Variants in WNT8A observed in about 807,000 individuals in gnomAD.
WNT8A encodes Wnt family member 8A.
Under a neutral mutation model 20.5 loss-of-function variants are expected in WNT8A, and 14 were observed. The ratio of observed to expected loss-of-function variants is 0.68; its 90% confidence interval spans 0.45 to 1.07. WNT8A has a LOEUF of 1.07. Among genes scored for constraint, WNT8A ranks in the 50% least tolerant of loss-of-function variants. The probability of loss-of-function intolerance (pLI) is 0.00; values close to 1 mark genes in which losing one functional copy is unlikely to be tolerated. For synonymous variants in WNT8A, 167 were observed against 169.2 expected (o/e 0.99, Z 0.10); for missense variants, 397 against 462.9 (o/e 0.86, Z 1.31).
chr5:138,089,816 TATGCCC>T lies in WNT8A; in HGVS notation c.565-710_565-705del, dbSNP rs1463897094. The stretch of plus-strand genomic sequence containing the variant: ...ACCTGGGACTACAGGTGCTTGCCAC[TATGCCC>T]AGCTAGTTTTTGTGGGTTTTGTAGA... On this transcript the variant is annotated intron_variant, in intron 4 of 4. Coordinates refer to ENST00000506684, the MANE Select transcript of WNT8A (RefSeq NM_001300939.2). Among the ~76,000 whole-genome samples, 5 of 152,132 alleles carry T rather than the reference TATGCCC, an allele frequency of 3.3e-5. No homozygotes were observed. In the South Asian group the frequency reaches 8.3e-4, roughly 25 times the overall value.
chr5:138,088,717 T>C (rs1454672633), intron 3 of WNT8A, among the ~76,000 whole-genome samples: 1 of 152,116 alleles, frequency 6.6e-6, no homozygotes. Context: ...TTACTGTGGG[T>C]ATAGAAGACT....
rs1376574024 is a variant in WNT8A at position 138,090,623 on chromosome 5, G to A, written c.660G>A (p.Arg220=). The A allele has an allele frequency of 6.2e-7, 1 of 1,614,212 alleles. No individual in the cohort carries two copies. The highest frequency in any genetic ancestry group is 1.3e-5 in the African/African-American group (1 of 75,040). The change falls in exon 5 of 5, where the codon CGG becomes CGA. Residue 220 remains arginine, a synonymous_variant. Coordinates refer to ENST00000506684, the MANE Select transcript of WNT8A (RefSeq NM_001300939.2). ...GCTGGCTGCAGCTGGCTGAATTCCG[G>A]GAGATGGGAGACTACCTAAAGGCCA... ...QTCWLQLAEF[R]EMGDYLKAKY...
chr5:138,091,755 G>A (rs982726705), downstream of WNT8A, among the ~76,000 whole-genome samples: 1 of 58,620 alleles, frequency 1.7e-5, no homozygotes, highest in African/African-American at 4.8e-5. Flanking sequence ...GAGCCCAGGA[G>A]CTCGAGACTA....
At chr5:138,091,633 C>A, downstream of WNT8A, 1 of 641,810 alleles carries the variant, frequency 1.6e-6, no homozygotes. Flanking sequence ...TTCCTCCAGC[C>A]TGGACAACAT....
Position 138,090,911 on chromosome 5 carries a change from G to C in WNT8A, c.948G>C (p.Gly316=). The C allele has an allele frequency of 5.6e-6, 9 of 1,614,228 alleles. No homozygotes were observed. The highest frequency in any genetic ancestry group is 6.8e-6 in the Non-Finnish European group (8 of 1,180,046). ...GTGGGCGCCTGTGCACTGAGTGTGG[G>C]CTGCAGGTGGAAGAGAGGAAAACTG... ...RSCGRLCTEC[G]LQVEERKTEV... is the part of the protein sequence containing the mutation. The change falls in exon 5 of 5, where the codon GGG becomes GGC. Residue 316 remains glycine, a synonymous_variant. Transcript: ENST00000506684.
downstream of WNT8A, chr5:138,091,622 C>T (rs1294799889): frequency 1.4e-6 from 1 of 712,748 alleles, no homozygotes; most frequent in South Asian, 1.8e-5. Context: ...TTGAAAAGCT[C>T]TTCCTCCAGC....
chr5:138,080,903 C>A (rs1235578231), upstream of WNT8A, among the ~76,000 whole-genome samples: 1 of 152,114 alleles, frequency 6.6e-6, no homozygotes, highest in African/African-American at 2.4e-5. Context: ...CTCCTGATAC[C>A]TGGAGCAGAG....
At chr5:138,082,921 A>AAAT (rs1435567497), upstream of WNT8A, among the ~76,000 whole-genome samples, 779 of 125,460 alleles carry the variant, frequency 6.2e-3, 3 homozygotes, top group Middle Eastern at 0.012. Context: ...ATAAATAAAT[A>AAAT]AAATAAAATA....
chr5:138,091,438 A>T lies in WNT8A; in HGVS notation c.*365A>T. 1 of 1,359,404 alleles carries T rather than the reference A, an allele frequency of 7.4e-7. No homozygotes were observed. Among genetic ancestry groups the T allele is most frequent in the Non-Finnish European group, 9.7e-7 (1 of 1,026,982 alleles). The allele number at this position is 1,359,404 out of a possible 1,614,324, so 84.2% of individuals were successfully genotyped here. On this transcript the variant is annotated 3_prime_UTR_variant, in exon 5 of 5. Coordinates refer to ENST00000506684, the MANE Select transcript of WNT8A (RefSeq NM_001300939.2). The stretch of plus-strand genomic sequence containing the variant: ...TTAAATTTCAGACCATGTCCAACCC[A>T]GCTGTGCTGCTGGGAATCAGGAGAA...
intron 4 of WNT8A, 98 bp downstream of exon 4, chr5:138,089,167 T>A: frequency 6.7e-7 from 1 of 1,484,264 alleles, no homozygotes; most frequent in Non-Finnish European, 9.0e-7. Context: ...TTCCTCATAC[T>A]ACCCAGCCAG....
intron 3 of WNT8A, among the ~76,000 whole-genome samples, chr5:138,088,676 G>A (rs1376339452): frequency 1.3e-5 from 2 of 152,130 alleles, no homozygotes; most frequent in Admixed American, 6.6e-5. Flanking sequence ...GAACCTTTGA[G>A]AGCATCTGTT....
chr5:138,084,262 T>C lies in WNT8A; in HGVS notation c.135T>C (p.Asn45=). Residue 45 remains asparagine, a synonymous_variant, in exon 1 of 5, where the codon AAT becomes AAC. Transcript: ENST00000506684. ...TFSLFGRSVN[N]FLITGPKAYL... Reference sequence around the variant, plus strand: ...CTCTTTTTGGTAGGTCAGTGAACAATTTCCTGATAACAGGTCCCAAGGTAG... The same window carrying C: ...CTCTTTTTGGTAGGTCAGTGAACAACTTCCTGATAACAGGTCCCAAGGTAG... 6.2e-7 allele frequency: 1 copy of C among 1,614,150 alleles called. No homozygotes were observed. The highest frequency in any genetic ancestry group is 1.3e-5 in the African/African-American group (1 of 75,030).
intron 2 of WNT8A, 97 bp from the exon 3 acceptor site, chr5:138,087,709 G>C (rs1750715736): frequency 2.6e-5 from 32 of 1,233,366 alleles, no homozygotes; most frequent in Non-Finnish European, 3.5e-5. Flanking sequence ...CAAAGGAAGT[G>C]GGGGATAAGG....
At chr5:138,080,499 G>T (rs1270544754), upstream of WNT8A, among the ~76,000 whole-genome samples, 1 of 105,816 alleles carries the variant, frequency 9.5e-6, no homozygotes, top group Non-Finnish European at 1.8e-5. Flanking sequence ...GTAGAGATGA[G>T]GTTTCTCCAT....
chr5:138,090,528 G>T lies in WNT8A; in HGVS notation c.565G>T (p.Ala189Ser), dbSNP rs748359205. The stretch of plus-strand genomic sequence containing the variant: ...TCTCTTTTGTGTTCTCTCTATGAAG[G>T]CAGTGAGAGCCACCATGAAAAGGAC... ...NLHNNRAGRL[A>S]VRATMKRTCK... Residue 189 changes from alanine (A) to serine (S), a missense_variant and splice_region_variant, in exon 5 of 5, where the codon GCA becomes TCA. Ala to Ser is a moderately conservative substitution (Grantham distance 99). Coordinates refer to ENST00000506684, the MANE Select transcript of WNT8A (RefSeq NM_001300939.2). 7 of 1,613,196 alleles carry T rather than the reference G, an allele frequency of 4.3e-6. No homozygotes were observed. Among genetic ancestry groups the T allele is most frequent in the African/African-American group, 1.3e-5 (1 of 74,862 alleles).
upstream of WNT8A, among the ~76,000 whole-genome samples, chr5:138,080,407 A>G (rs1750471825): frequency 7.0e-6 from 1 of 142,750 alleles, no homozygotes; most frequent in South Asian, 2.3e-4. Context: ...TTTCTGGCCT[A>G]CAATCACCTC....
rs909934191 is a variant in WNT8A, at chr5:138,091,245, C to T, written c.*172C>T. The T allele has an allele frequency of 4.5e-5, 70 of 1,570,956 alleles. No homozygotes were observed. Among genetic ancestry groups the T allele is most frequent in the Non-Finnish European group, 5.5e-5 (64 of 1,167,088 alleles). ...GAGGCCCAAGATTCTACAGCATATT[C>T]CTGGCGGGGCTGAAATTGGAACCTG... On this transcript the variant is annotated 3_prime_UTR_variant, in exon 5 of 5. Coordinates refer to ENST00000506684, the MANE Select transcript of WNT8A (RefSeq NM_001300939.2).
downstream of WNT8A, chr5:138,091,613 T>G: frequency 1.3e-6 from 1 of 766,276 alleles, no homozygotes; most frequent in Non-Finnish European, 1.8e-6. Context: ...TATGCACTTT[T>G]GAAAAGCTCT....
upstream of WNT8A, among the ~76,000 whole-genome samples, chr5:138,080,444 G>GTTTTTTTTTTTTTTTTTTTTTTTTT (rs371833243): frequency 5.4e-5 from 3 of 55,994 alleles, no homozygotes; most frequent in Non-Finnish European, 6.5e-5. Context: ...TGTAAATCTT[G>GTTTTTTTTTTTTTTTTTTTTTTTTT]TTTTTTTTTT....
Sources: allele counts gnomAD v4.1 joint callset (sites outside exome capture counted in the v4.1 genomes callset), GRCh38; gene constraint gnomAD v4.1.1; transcripts MANE v1.5; gene names NCBI Gene and HGNC (gene_info 2026-07-23, HGNC 2026-07-21).